Variants in ARHGAP12 observed in about 807,000 individuals in gnomAD.
The protein encoded by ARHGAP12 is rho GTPase-activating protein 12.
Under a neutral mutation model 108.6 loss-of-function variants are expected in ARHGAP12, and 64 were observed. That is an observed-to-expected ratio of 0.59 (90% CI 0.48 to 0.73). The LOEUF is 0.73. ARHGAP12 is among the 30% of genes least tolerant of loss of function. The pLI is 0.00. For missense variants in ARHGAP12, 940 were observed against 1,005.9 expected (o/e 0.93, Z 0.89); for synonymous variants, 312 against 337.2 (o/e 0.93, Z 0.82).
At chr10:31,852,884 G>A (rs1257000817) in intron 5 of ARHGAP12, among the ~76,000 whole-genome samples, 2 of 151,884 alleles carry the variant, frequency 1.3e-5, no homozygotes, top group East Asian at 1.9e-4. Flanking sequence ...GTGCCACCAC[G>A]CCTGGCTAAT....
intron 3 of ARHGAP12, among the ~76,000 whole-genome samples, chr10:31,906,781 G>A (rs994252893): frequency 5.3e-5 from 8 of 152,106 alleles, no homozygotes; most frequent in South Asian, 2.1e-4. Flanking sequence ...ATAGGATTGC[G>A]TGCGTACATA....
intron 11 of ARHGAP12, among the ~76,000 whole-genome samples, chr10:31,822,165 A>G (rs1835440438): frequency 6.6e-6 from 1 of 152,206 alleles, no homozygotes; most frequent in South Asian, 2.1e-4. Flanking sequence ...CTCTACTGTA[A>G]TCAACCTCCC....
At chr10:31,905,190 A>C (rs927898222) in intron 3 of ARHGAP12, among the ~76,000 whole-genome samples, 2 of 152,180 alleles carry the variant, frequency 1.3e-5, no homozygotes, top group Middle Eastern at 3.2e-3. Context: ...AAATTATTTA[A>C]ATTTGGCAAC....
chr10:31,806,866 T>TA lies in ARHGAP12; in HGVS notation c.*791dup, dbSNP rs1834838989. ...CACAAGCTAAAGGACATTAAGTCTT[T>TA]AGCCTATATTTACATAAAATAATGT... is the stretch of plus-strand genomic sequence containing the variant. On this transcript the variant is annotated 3_prime_UTR_variant, in exon 20 of 20. Coordinates refer to ENST00000344936, the MANE Select transcript of ARHGAP12 (RefSeq NM_018287.7). 1 of 152,442 alleles carries TA rather than the reference T, an allele frequency of 6.6e-6. No homozygotes were observed. Among genetic ancestry groups the TA allele is most frequent in the Admixed American group, 6.5e-5 (1 of 15,280 alleles). The allele number at this position is 152,442 out of a possible 1,614,324, so 9.4% of individuals were successfully genotyped here.
chr10:31,874,653 C>T (rs1381378523), intron 3 of ARHGAP12, among the ~76,000 whole-genome samples: 1 of 151,720 alleles, frequency 6.6e-6, no homozygotes, highest in Non-Finnish European at 1.5e-5. Context: ...TAGTTAGACA[C>T]ACATAATGGA....
chr10:31,854,106 C>A lies in ARHGAP12; in HGVS notation c.1049G>T (p.Arg350Leu), dbSNP rs759888384. The A allele has an allele frequency of 1.9e-6, 3 of 1,613,622 alleles. No individual in the cohort carries two copies. The highest frequency in any genetic ancestry group is 2.2e-5 in the South Asian group (2 of 91,012). The change falls in exon 5 of 20, where the codon CGT (arginine) becomes CTT (leucine). Residue 350 changes from arginine to leucine, a missense_variant. Physicochemically the swap from Arg to Leu is moderately radical, Grantham distance 102. Transcript: ENST00000344936. The part of the protein sequence containing the change: ...PRGWSEELDE[R>L]GHTLYTSDYT... Reference sequence around the variant, plus strand: ...GTCACTGGTATATAAGGTATGCCCACGTTCATCCAACTCTTCTGACCAACC... The same window carrying A: ...GTCACTGGTATATAAGGTATGCCCAAGTTCATCCAACTCTTCTGACCAACC...
At chr10:31,868,463 T>G (rs1163277648) in intron 3 of ARHGAP12, among the ~76,000 whole-genome samples, 1 of 152,114 alleles carries the variant, frequency 6.6e-6, no homozygotes, top group Non-Finnish European at 1.5e-5. Context: ...TAGGCCCTTG[T>G]CTAGTCCACC....
At chr10:31,897,706 G>A (rs1253455785) in intron 3 of ARHGAP12, among the ~76,000 whole-genome samples, 1 of 152,074 alleles carries the variant, frequency 6.6e-6, no homozygotes, top group African/African-American at 2.4e-5. Context: ...TATGGTGTCT[G>A]GCTTTCAACC....
At chr10:31,869,634 T>G (rs192841096) in intron 3 of ARHGAP12, among the ~76,000 whole-genome samples, 3 of 152,322 alleles carry the variant, frequency 2.0e-5, no homozygotes, top group Admixed American at 2.0e-4. Flanking sequence ...AATTAACAAT[T>G]GAATTGGGAC....
At chr10:31,838,214 A>G (rs1836099213) in intron 9 of ARHGAP12, among the ~76,000 whole-genome samples, 1 of 152,156 alleles carries the variant, frequency 6.6e-6, no homozygotes, top group Non-Finnish European at 1.5e-5. Context: ...GAAATGACAC[A>G]CACAAGGACC....
chr10:31,908,794 T>C lies in ARHGAP12; in HGVS notation c.62A>G (p.Tyr21Cys), dbSNP rs2132458028. ...IPGQVYIEVE[Y>C]DYEYEAKDRK... ...GTCCTTTGCTTCATATTCATAATCA[T>C]ATTCCACCTCAATATACACTTGTCC... Residue 21 changes from tyrosine to cysteine, a missense_variant, in exon 3 of 20, where the codon TAT becomes TGT. Coordinates refer to ENST00000344936, the MANE Select transcript of ARHGAP12 (RefSeq NM_018287.7). The C allele has an allele frequency of 6.2e-7, 1 of 1,610,206 alleles. No individual in the cohort carries two copies. The highest frequency in any genetic ancestry group is 1.3e-5 in the African/African-American group (1 of 75,056).
intron 3 of ARHGAP12, among the ~76,000 whole-genome samples, chr10:31,897,276 C>T (rs1210339927): frequency 6.6e-6 from 1 of 152,120 alleles, no homozygotes. Context: ...GAGGAAAGGG[C>T]ACTTCCCAGA....
At chr10:31,830,867 C>T (rs770992796) in intron 10 of ARHGAP12, among the ~76,000 whole-genome samples, 2 of 152,166 alleles carry the variant, frequency 1.3e-5, no homozygotes, top group Admixed American at 6.5e-5. Context: ...CTTCTCTCTC[C>T]TGGCAAAATC....
Position 31,868,362 on chromosome 10 carries a change from T to G in ARHGAP12, c.685-6704A>C, listed in dbSNP as rs547130925. On this transcript the variant is annotated intron_variant, in intron 3 of 19. Coordinates refer to ENST00000344936, the MANE Select transcript of ARHGAP12 (RefSeq NM_018287.7). ...ATCAGTTTTCTCTGGATATTAGTATTATATATGTTTTTTTCTATGTGATTT... is the reference window on the plus strand; with the variant it reads ...ATCAGTTTTCTCTGGATATTAGTATGATATATGTTTTTTTCTATGTGATTT... Among the ~76,000 whole-genome samples the G allele has an allele frequency of 6.0e-5, 9 of 149,488 alleles. 1 individual carries two copies. The highest frequency in any genetic ancestry group is 5.9e-4 in the Admixed American group (9 of 15,200).
rs189621879 is a variant in ARHGAP12, at chr10:31,907,511, G to A, written c.684+661C>T. Among the ~76,000 whole-genome samples the A allele has an allele frequency of 2.8e-3, 424 of 151,756 alleles. 2 individuals are homozygous for A. Among genetic ancestry groups the A allele is most frequent in the Non-Finnish European group, 4.9e-3 (331 of 67,944 alleles). On this transcript the variant is annotated intron_variant, in intron 3 of 19. Coordinates refer to ENST00000344936, the MANE Select transcript of ARHGAP12 (RefSeq NM_018287.7). ...TAGCTGGCTGTGGTGGCACACACCTGTAGTACCAGCTACTGGGGAAGCTGA... is the reference window on the plus strand; with the variant it reads ...TAGCTGGCTGTGGTGGCACACACCTATAGTACCAGCTACTGGGGAAGCTGA...
At chr10:31,821,653 C>A (rs944118820) in intron 11 of ARHGAP12, among the ~76,000 whole-genome samples, 1 of 152,164 alleles carries the variant, frequency 6.6e-6, no homozygotes. Flanking sequence ...TTTGCCTCAA[C>A]CTGTTCCCGT....
At chr10:31,860,603 T>C (rs1837076741) in intron 4 of ARHGAP12, among the ~76,000 whole-genome samples, 2 of 152,224 alleles carry the variant, frequency 1.3e-5, no homozygotes, top group South Asian at 2.1e-4. Flanking sequence ...AACAGAATGA[T>C]TCAATTGTAG....
chr10:31,882,276 G>A (rs1838000604), intron 3 of ARHGAP12, among the ~76,000 whole-genome samples: 1 of 152,000 alleles, frequency 6.6e-6, no homozygotes. Context: ...ATTGCTACCT[G>A]GGATTTTCCA....
rs1445996600 is a variant in ARHGAP12 at position 31,858,545 on chromosome 10, C to G, written c.948+2850G>C. ...GTTGAGTCTATCCTGGGCAACATAACAAGATCCTGTCTCGGCGGCATCTCT... is the reference window on the plus strand; with the variant it reads ...GTTGAGTCTATCCTGGGCAACATAAGAAGATCCTGTCTCGGCGGCATCTCT... On this transcript the variant is annotated intron_variant, in intron 4 of 19. Transcript: ENST00000344936. Among the ~76,000 whole-genome samples, 3 of 152,286 alleles carry G rather than the reference C, an allele frequency of 2.0e-5. No homozygotes were observed. In the East Asian group the frequency reaches 5.8e-4, roughly 29 times the overall value.
Sources: gnomAD v4.1 joint callset for allele counts (sites outside exome capture counted in the v4.1 genomes callset) on GRCh38, gnomAD v4.1.1 for gene constraint, MANE v1.5 for transcripts, NCBI Gene and HGNC (gene_info 2026-07-23, HGNC 2026-07-21) for gene names.